The following PRPS1 variants were observed in gnomAD, a reference collection of about 807,000 sequenced individuals.
The protein encoded by PRPS1 is ribose-phosphate pyrophosphokinase 1.
A neutral mutation model predicts 16.9 loss-of-function variants in PRPS1; 1 was observed. The ratio of observed to expected loss-of-function variants is 0.06; its 90% CI spans 0.02 to 0.28. The LOEUF is 0.28. PRPS1 is among the 10% of genes least tolerant of loss of function. The probability of loss-of-function intolerance (pLI) is 1.00; values close to 1 mark genes in which losing one functional copy is unlikely to be tolerated. For missense variants in PRPS1, 47 were observed against 254.0 expected (o/e 0.19, Z 5.54); for synonymous variants, 70 against 90.2 (o/e 0.78, Z 1.27).
At chrX:107,638,066 G>A (rs1233812201) in intron 1 of PRPS1, among the ~76,000 whole-genome samples, 1 of 109,410 alleles carries the variant, frequency 9.1e-6, no homozygotes, top group Non-Finnish European at 1.9e-5. Context: ...AGCCTCCTGA[G>A]TAGCTGGGAC....
chrX:107,636,832 G>A (rs1925453064), intron 1 of PRPS1, among the ~76,000 whole-genome samples: 1 of 112,688 alleles, frequency 8.9e-6, no homozygotes, highest in Non-Finnish European at 1.9e-5. Context: ...TTTTGTTTGG[G>A]GAGAGAAGGG....
intron 1 of PRPS1, among the ~76,000 whole-genome samples, chrX:107,634,381 A>G (rs944542390): frequency 3.8e-5 from 4 of 106,330 alleles, no homozygotes; most frequent in Non-Finnish European, 7.7e-5. Flanking sequence ...CGCCCAGCTA[A>G]TGGCTAATTT....
chrX:107,640,811 A>G (rs1344834903), intron 2 of PRPS1, 91 bp from the exon 3 acceptor site: 2 of 1,009,989 alleles, frequency 2.0e-6, no homozygotes, highest in African/African-American at 3.8e-5. Flanking sequence ...CCTTTAACAT[A>G]GTAGGTACAC....
Position 107,649,972 on chromosome X carries a change from C to A in PRPS1, c.897C>A (p.Ala299=). 2 of 1,212,004 alleles carry A rather than the reference C, an allele frequency of 1.7e-6. No individual in the cohort carries two copies. Among genetic ancestry groups the A allele is most frequent in the Non-Finnish European group, 2.2e-6 (2 of 895,580 alleles). ...VIDISMILAE[A]IRRTHNGESV... is the part of the protein sequence containing the mutation. Reference sequence around the variant, plus strand: ...ACATCTCTATGATCCTTGCAGAAGCCATCAGGAGAACTCACAATGGAGAAT... The same window carrying A: ...ACATCTCTATGATCCTTGCAGAAGCAATCAGGAGAACTCACAATGGAGAAT... Residue 299 remains alanine (A), a synonymous_variant, in exon 7 of 7, where the codon GCC becomes GCA. Coordinates refer to ENST00000372435, the MANE Select transcript of PRPS1 (RefSeq NM_002764.4).
At chrX:107,636,069 A>C (rs777356985) in intron 1 of PRPS1, among the ~76,000 whole-genome samples, 2 of 108,168 alleles carry the variant, frequency 1.8e-5, no homozygotes, top group African/African-American at 3.4e-5. Flanking sequence ...AAAAAAAAAA[A>C]AAAAAAAACT....
At chrX:107,649,914 C>A in intron 6 of PRPS1, 26 bp from the exon 7 acceptor site, 1 of 1,211,567 alleles carries the variant, frequency 8.3e-7, no homozygotes, top group Non-Finnish European at 1.1e-6. Context: ...ATGATAGTAA[C>A]CTGATTTCCT....
rs1486752203 is a variant in PRPS1 at position 107,650,887 on chromosome X, T to G, written c.*855T>G. 3.6e-6 allele frequency: 1 copy of G among 281,015 alleles called. No homozygotes were observed. The highest frequency in any genetic ancestry group is 6.2e-6 in the Non-Finnish European group (1 of 160,966). The allele number at this position is 281,015 out of a possible 1,213,427, so 23.2% of individuals were successfully genotyped here. On this transcript the variant is annotated 3_prime_UTR_variant, in exon 7 of 7. Transcript: ENST00000372435. ...GTTTTAGGTGGTATCGTAGTGCCTT[T>G]TGATTAATTTAAGTATTTAATTTTC... is the stretch of plus-strand genomic sequence containing the variant.
intron 6 of PRPS1, among the ~76,000 whole-genome samples, chrX:107,648,760 G>GTTT (rs1394879661): frequency 3.7e-5 from 4 of 107,306 alleles, no homozygotes; most frequent in Non-Finnish European, 7.7e-5. Context: ...TTTTTTGTTT[G>GTTT]TTTGTTTTTT....
chrX:107,634,229 T>A (rs1037526036), intron 1 of PRPS1, among the ~76,000 whole-genome samples: 3 of 110,172 alleles, frequency 2.7e-5, no homozygotes, highest in Admixed American at 9.8e-5. Flanking sequence ...TTATTTATTT[T>A]TTTGAGATGG....
rs759522021 is a variant in PRPS1 at position 107,640,344 on chromosome X, C to CAA, written c.307-538_307-537dup. On this transcript the variant is annotated intron_variant, in intron 2 of 6. Coordinates refer to ENST00000372435, the MANE Select transcript of PRPS1 (RefSeq NM_002764.4). Reference sequence around the variant, plus strand: ...GCGATAGAGCAAGACTCTGTCTCTACAAAAAAAAAAAAAAAAAAAAAGGCA... The same window carrying CAA: ...GCGATAGAGCAAGACTCTGTCTCTACAAAAAAAAAAAAAAAAAAAAAAAGGCA... Among the ~76,000 whole-genome samples the CAA allele has an allele frequency of 2.8e-3, 70 of 24,627 alleles. 3 individuals are homozygous for CAA. Among genetic ancestry groups the CAA allele is most frequent in the African/African-American group, 5.2e-3 (47 of 8,998 alleles). 21.4% of individuals were successfully genotyped at this position (24,627 alleles called of 115,157 possible).
intron 4 of PRPS1, among the ~76,000 whole-genome samples, chrX:107,643,681 G>A (rs1342673139): frequency 9.0e-6 from 1 of 111,387 alleles, no homozygotes; most frequent in African/African-American, 3.3e-5. Flanking sequence ...TTTATGCTTT[G>A]TTGGTCACTG....
chrX:107,640,168 C>A (rs1925539448), intron 2 of PRPS1, among the ~76,000 whole-genome samples: 1 of 112,079 alleles, frequency 8.9e-6, no homozygotes, highest in Admixed American at 9.4e-5. Flanking sequence ...TGTGAAACTC[C>A]GTCTCTACTA....
At chrX:107,629,383 T>G (rs189414406) in intron 1 of PRPS1, among the ~76,000 whole-genome samples, 3 of 111,969 alleles carry the variant, frequency 2.7e-5, no homozygotes, top group African/African-American at 9.7e-5. Context: ...AGTTGATTTG[T>G]TAAAGTGATG....
intron 2 of PRPS1, 93 bp from the exon 3 acceptor site, chrX:107,640,809 A>G (rs1402715830): frequency 9.9e-7 from 1 of 1,006,756 alleles, no homozygotes; most frequent in Non-Finnish European, 1.4e-6. Flanking sequence ...TGCCTTTAAC[A>G]TAGTAGGTAC....
At chrX:107,649,782 A>G (rs753991622) in intron 6 of PRPS1, among the ~76,000 whole-genome samples, 158 bp from the exon 7 acceptor site, 5 of 112,505 alleles carry the variant, frequency 4.4e-5, no homozygotes, top group Non-Finnish European at 9.4e-5. Flanking sequence ...TAAAAATGTT[A>G]TGAAGAATAG....
At chrX:107,645,492 A>G in intron 5 of PRPS1, 142 bp downstream of exon 5, 2 of 669,950 alleles carry the variant, frequency 3.0e-6, no homozygotes, top group East Asian at 6.9e-5. Context: ...CAAGGCTTAA[A>G]TTATAATACA....
At chrX:107,642,670 A>G in intron 4 of PRPS1, 180 bp downstream of exon 4, 1 of 508,957 alleles carries the variant, frequency 2.0e-6, no homozygotes. Flanking sequence ...CTCAGTTACT[A>G]CTCGGAAGAC....
At chrX:107,632,758 A>G (rs1362701418) in intron 1 of PRPS1, among the ~76,000 whole-genome samples, 1 of 112,671 alleles carries the variant, frequency 8.9e-6, no homozygotes, top group Non-Finnish European at 1.9e-5. Context: ...ATAACTTAGA[A>G]GAAGCCATAA....
intron 1 of PRPS1, among the ~76,000 whole-genome samples, chrX:107,633,814 C>T: frequency 9.0e-6 from 1 of 110,731 alleles, no homozygotes; most frequent in East Asian, 2.8e-4. Flanking sequence ...GTAGTCCCAG[C>T]TACTTGGGTG....
Sources: gnomAD v4.1 joint callset for allele counts (sites outside exome capture counted in the v4.1 genomes callset) on GRCh38, gnomAD v4.1.1 for gene constraint, MANE v1.5 for transcripts, NCBI Gene and HGNC (gene_info 2026-07-23, HGNC 2026-07-21) for gene names.